LRP1B: variants seen among roughly 807,000 people sequenced by gnomAD.
LRP1B encodes LDL receptor related protein 1B, also known as low-density lipoprotein receptor-related protein 1B.
In LRP1B, 217 loss-of-function variants were observed where a neutral mutation model predicts 556.6. The observed-to-expected ratio is 0.39, with a 90% CI of 0.35 to 0.44. The LOEUF is 0.44. Ranked by LOEUF, LRP1B falls within the 20% of genes least tolerant of loss-of-function variation. The pLI, the probability that LRP1B is intolerant of heterozygous loss-of-function variation, is 1.00. For synonymous variants in LRP1B, 2,047 were observed against 1,865.8 expected, an observed-to-expected ratio of 1.10 and a Z score of -2.50; for missense variants, 5,053 against 5,620.8, an observed-to-expected ratio of 0.90 and a Z score of 3.23.
intron 6 of LRP1B, among the ~76,000 whole-genome samples, chr2:141,220,427 G>A (rs895057339): frequency 6.6e-6 from 1 of 152,160 alleles, no homozygotes; most frequent in East Asian, 1.9e-4. Context: ...TTATGTAAAA[G>A]GATAGGACCT....
At chr2:140,308,263 ATAATT>A (rs1354117057) in intron 83 of LRP1B, among the ~76,000 whole-genome samples, 1 of 151,830 alleles carries the variant, frequency 6.6e-6, no homozygotes, top group Non-Finnish European at 1.5e-5. Flanking sequence ...ATTTATTGAT[ATAATT>A]TAATGACTAT....
At chr2:141,035,415 T>C (rs927201260) in intron 11 of LRP1B, among the ~76,000 whole-genome samples, 2 of 152,026 alleles carry the variant, frequency 1.3e-5, no homozygotes, top group African/African-American at 4.8e-5. Flanking sequence ...CAAAGTAAAG[T>C]TGAATTATTT....
chr2:140,839,858 A>C (rs1692042888), intron 31 of LRP1B, 133 bp downstream of exon 31: 1 of 650,158 alleles, frequency 1.5e-6, no homozygotes, highest in East Asian at 2.8e-5. Context: ...GATTCAATGA[A>C]ATTGGTCAGT....
In LRP1B at chr2:140,770,868, C is replaced by T. The variant is rs2104938715; in HGVS notation, c.5626+13G>A. ...TAAATGAACCAGAGGTAAGGTTTTTCATGAACTCATACCTTGACATGACAT... is the reference window on the plus strand; with the variant it reads ...TAAATGAACCAGAGGTAAGGTTTTTTATGAACTCATACCTTGACATGACAT... On this transcript the variant is annotated intron_variant, in intron 34 of 90. Coordinates refer to ENST00000389484, the MANE Select transcript of LRP1B (RefSeq NM_018557.3). The T allele has an allele frequency of 6.5e-7, 1 of 1,537,374 alleles. No individual in the cohort carries two copies. Among genetic ancestry groups the T allele is most frequent in the Admixed American group, 2.3e-5 (1 of 43,290 alleles).
intron 1 of LRP1B, among the ~76,000 whole-genome samples, chr2:142,068,076 G>C (rs1705173728): frequency 6.6e-6 from 1 of 151,316 alleles, no homozygotes. Flanking sequence ...TCCCACTCTT[G>C]ACCAGTAGCT....
chr2:141,027,166 G>A (rs1698239475), intron 11 of LRP1B, among the ~76,000 whole-genome samples: 1 of 152,094 alleles, frequency 6.6e-6, no homozygotes, highest in Non-Finnish European at 1.5e-5. Flanking sequence ...CTACAGTAGA[G>A]GATGCTTTTG....
intron 35 of LRP1B, among the ~76,000 whole-genome samples, chr2:140,766,822 A>AATATATATATATTATAT (rs1205192418): frequency 9.5e-6 from 1 of 105,642 alleles, no homozygotes; most frequent in African/African-American, 4.4e-5. Flanking sequence ...ATCTTTGTAA[A>AATATATATATATTATAT]ATATATATAT....
chr2:142,085,162 A>G (rs548149684), intron 1 of LRP1B, among the ~76,000 whole-genome samples: 2 of 152,282 alleles, frequency 1.3e-5, no homozygotes, highest in African/African-American at 2.4e-5. Context: ...GCCTGTGCCT[A>G]TAAACTCTCT....
intron 62 of LRP1B, among the ~76,000 whole-genome samples, chr2:140,451,655 G>A (rs1203327693): frequency 7.2e-5 from 11 of 152,118 alleles, no homozygotes; most frequent in African/African-American, 2.7e-4. Flanking sequence ...TCTCTTTAAA[G>A]CAGTTGAGGC....
intron 3 of LRP1B, among the ~76,000 whole-genome samples, chr2:141,459,725 G>A (rs1439516299): frequency 6.6e-6 from 1 of 152,048 alleles, no homozygotes; most frequent in Non-Finnish European, 1.5e-5. Context: ...GCCACCATGT[G>A]AGATGTGACT....
chr2:141,731,999 A>G (rs1476617117), intron 2 of LRP1B, among the ~76,000 whole-genome samples: 1 of 152,088 alleles, frequency 6.6e-6, no homozygotes, highest in African/African-American at 2.4e-5. Context: ...CTTTCTCAGT[A>G]TCTATTCCCA....
chr2:140,478,019 G>GA (rs1688043113), intron 59 of LRP1B, among the ~76,000 whole-genome samples: 1 of 151,952 alleles, frequency 6.6e-6, no homozygotes. Flanking sequence ...AGGAAGGCAT[G>GA]AAAAACTGTT....
At chr2:141,364,620 C>A (rs1042164983) in intron 3 of LRP1B, among the ~76,000 whole-genome samples, 1 of 152,116 alleles carries the variant, frequency 6.6e-6, no homozygotes, top group South Asian at 2.1e-4. Context: ...AATCTGGCAG[C>A]TGAAAGGTAG....
intron 83 of LRP1B, among the ~76,000 whole-genome samples, chr2:140,307,820 C>T (rs950545621): frequency 1.3e-5 from 2 of 151,838 alleles, no homozygotes; most frequent in East Asian, 1.9e-4. Flanking sequence ...TCAAAGTTCT[C>T]AGATTCTGGT....
intron 43 of LRP1B, among the ~76,000 whole-genome samples, chr2:140,562,038 A>G (rs190394774): frequency 6.6e-6 from 1 of 152,264 alleles, no homozygotes; most frequent in Admixed American, 6.5e-5. Context: ...ACCCTGATTC[A>G]TGAGAAGAAG....
chr2:141,711,325 A>G (rs1692346951), intron 2 of LRP1B, among the ~76,000 whole-genome samples: 1 of 152,206 alleles, frequency 6.6e-6, no homozygotes, highest in Non-Finnish European at 1.5e-5. Context: ...GGAGAAGTCA[A>G]GTAGTTCAAC....
chr2:141,173,350 C>T (rs921737967), intron 7 of LRP1B, among the ~76,000 whole-genome samples: 12 of 152,052 alleles, frequency 7.9e-5, no homozygotes, highest in African/African-American at 2.9e-4. Context: ...CTCAGTTTTG[C>T]TTTTTCCAAC....
chr2:141,878,183 T>C (rs1179010331), intron 1 of LRP1B, among the ~76,000 whole-genome samples: 1 of 151,924 alleles, frequency 6.6e-6, no homozygotes, highest in Non-Finnish European at 1.5e-5. Context: ...AATATTCCTG[T>C]AGGCTAGAGC....
At chr2:141,669,705 A>G (rs1379334660) in intron 2 of LRP1B, among the ~76,000 whole-genome samples, 1 of 126,188 alleles carries the variant, frequency 7.9e-6, no homozygotes, top group East Asian at 2.5e-4. Flanking sequence ...TATATCCTAC[A>G]TACTTCTATT....
Sources: gnomAD v4.1 joint callset for allele counts (sites outside exome capture counted in the v4.1 genomes callset) on GRCh38, gnomAD v4.1.1 for gene constraint, MANE v1.5 for transcripts, NCBI Gene and HGNC (gene_info 2026-07-23, HGNC 2026-07-21) for gene names.